Variants in PRDX1 observed in about 807,000 individuals in gnomAD.
PRDX1 encodes the protein peroxiredoxin 1.
In PRDX1, 19 loss-of-function variants were observed where a neutral mutation model predicts 20.7. The ratio of observed to expected loss-of-function variants is 0.92; its 90% CI spans 0.64 to 1.35. PRDX1 has a LOEUF of 1.35. Ranked by LOEUF, PRDX1 falls within the 40% of genes most tolerant of loss-of-function variation. The pLI is 0.00. For missense variants in PRDX1, 226 were observed against 240.0 expected, an observed-to-expected ratio of 0.94 and a Z score of 0.38; for synonymous variants, 89 against 83.9, an observed-to-expected ratio of 1.06 and a Z score of -0.33.
At chr1:45,520,361 T>C (rs1316928207) in intron 1 of PRDX1, among the ~76,000 whole-genome samples, 2 of 151,880 alleles carry the variant, frequency 1.3e-5, no homozygotes, top group East Asian at 1.9e-4. Context: ...CGAAAACAAG[T>C]ATAAGAATCA....
At chr1:45,513,813 C>T (rs183882820) in intron 5 of PRDX1, among the ~76,000 whole-genome samples, 7 of 152,346 alleles carry the variant, frequency 4.6e-5, no homozygotes, top group African/African-American at 1.4e-4. Context: ...CGGAAGGCCA[C>T]AGGGACCTCT....
upstream of PRDX1, among the ~76,000 whole-genome samples, chr1:45,522,608 A>T (rs1340433867): frequency 2.0e-5 from 3 of 152,144 alleles, no homozygotes; most frequent in Non-Finnish European, 4.4e-5. Flanking sequence ...CCACAAACAC[A>T]CATACACAAA....
Position 45,515,788 on chromosome 1 carries a change from G to C in PRDX1, c.126C>G (p.Phe42Leu), listed in dbSNP as rs1309588088. 6.3e-7 allele frequency: 1 copy of C among 1,577,852 alleles called. No individual in the cohort carries two copies. Among genetic ancestry groups the C allele is most frequent in the Non-Finnish European group, 8.6e-7 (1 of 1,167,398 alleles). The change falls in exon 3 of 6, where the codon TTC (phenylalanine) becomes TTG (leucine). Residue 42 changes from phenylalanine (F) to leucine (L), a missense_variant. Transcript: ENST00000319248. ...SDYKGKYVVF[F>L]FYPLDFTFVC... ...CAAAGGTGAAGTCAAGAGGGTAAAA[G>C]AAGAACACAACATATTTTCCTGGGG...
chr1:45,514,683 G>C, intron 4 of PRDX1, 46 bp from the exon 5 acceptor site: 2 of 1,609,252 alleles, frequency 1.2e-6, no homozygotes, highest in Non-Finnish European at 1.7e-6. Context: ...TTAGAGATGT[G>C]CTTTGTTAGA....
intron 3 of PRDX1, 124 bp downstream of exon 3, chr1:45,515,530 C>G (rs1643841697): frequency 2.0e-6 from 2 of 999,044 alleles, no homozygotes; most frequent in Non-Finnish European, 2.8e-6. Flanking sequence ...AACTGGGAGG[C>G]AGAGCTTGAA....
At chr1:45,519,838 T>C (rs532231630) in intron 1 of PRDX1, among the ~76,000 whole-genome samples, 330 of 152,288 alleles carry the variant, frequency 2.2e-3, no homozygotes, top group Non-Finnish European at 2.7e-3. Flanking sequence ...CCTCAGATGA[T>C]TGCCCAACTC....
At chr1:45,520,946 T>C (rs1430633072) in intron 1 of PRDX1, among the ~76,000 whole-genome samples, 3 of 152,122 alleles carry the variant, frequency 2.0e-5, no homozygotes, top group East Asian at 1.9e-4. Flanking sequence ...TCTGAAAGCT[T>C]TTCCAAGTCC....
intron 2 of PRDX1, among the ~76,000 whole-genome samples, chr1:45,518,029 C>T (rs1252527417): frequency 1.3e-5 from 2 of 152,044 alleles, no homozygotes; most frequent in Admixed American, 6.6e-5. Context: ...GAGTATTTCT[C>T]CAATAATAAA....
intron 1 of PRDX1, among the ~76,000 whole-genome samples, chr1:45,521,122 T>C (rs1383198359): frequency 6.6e-6 from 1 of 152,148 alleles, no homozygotes; most frequent in African/African-American, 2.4e-5. Flanking sequence ...GGCCTTCTCG[T>C]CCAATCCTTC....
At position 45,514,807 on chromosome 1, in the gene PRDX1, T is replaced by A. The variant is rs963649163; in HGVS notation, c.383+66A>T. Reference sequence around the variant, plus strand: ...TGAAATGACAAGGAGTCTCTACAGATCAGGGCTCTAGATCTCTCCAAATAA... The same window carrying A: ...TGAAATGACAAGGAGTCTCTACAGAACAGGGCTCTAGATCTCTCCAAATAA... On this transcript the variant is annotated intron_variant, in intron 4 of 5. Coordinates refer to ENST00000319248, the MANE Select transcript of PRDX1 (RefSeq NM_181697.3). 3.1e-6 allele frequency: 5 copies of A among 1,602,270 alleles called. No homozygotes were observed. In the Admixed American group the frequency reaches 5.1e-5, roughly 16 times the overall value.
intron 1 of PRDX1, 103 bp from the exon 2 acceptor site, chr1:45,519,157 T>C (rs1278779834): frequency 1.3e-6 from 1 of 762,566 alleles, no homozygotes; most frequent in Non-Finnish European, 2.1e-6. Context: ...CAAGGCATTG[T>C]CCAGTGTCCC....
In PRDX1 at chr1:45,514,598, C is replaced by CAG; in HGVS notation, c.422_423insCT (p.Gln141HisfsTer2). On this transcript the variant is annotated frameshift_variant, in exon 5 of 6. Coordinates refer to ENST00000319248, the MANE Select transcript of PRDX1 (RefSeq NM_181697.3). LOFTEE classifies it high-confidence loss of function. ...CAACAGGGAGGTCATTTACAGTGAT[C>CAG]TGCCGAAGAATACCCTTATCATCAA... 1 of 1,613,700 alleles carries CAG rather than the reference C, an allele frequency of 6.2e-7. No homozygotes were observed. Among genetic ancestry groups the CAG allele is most frequent in the South Asian group, 1.1e-5 (1 of 91,074 alleles).
chr1:45,517,654 C>A (rs891757642), intron 2 of PRDX1, among the ~76,000 whole-genome samples: 1 of 151,948 alleles, frequency 6.6e-6, no homozygotes, highest in Non-Finnish European at 1.5e-5. Flanking sequence ...TGGTTGCGGG[C>A]GCCTGTAGTC....
rs1390955282 is a variant in PRDX1 at position 45,514,588 on chromosome 1, T to C, written c.433A>G (p.Asn145Asp). 16 of 1,613,728 alleles carry C rather than the reference T, an allele frequency of 9.9e-6. No homozygotes were observed. Among genetic ancestry groups the C allele is most frequent in the African/African-American group, 1.3e-5 (1 of 75,000 alleles). Residue 145 changes from asparagine (N) to aspartate (D), a missense_variant, in exon 5 of 6, where the codon AAT (asparagine) becomes GAT (aspartate). Transcript: ENST00000319248. Reference sequence around the variant, plus strand: ...ACAGAGCGGCCAACAGGGAGGTCATTTACAGTGATCTGCCGAAGAATACCC... The same window carrying C: ...ACAGAGCGGCCAACAGGGAGGTCATCTACAGTGATCTGCCGAAGAATACCC... The part of the protein sequence containing the change: ...DKGILRQITV[N>D]DLPVGRSVDE...
chr1:45,511,377 G>C lies in PRDX1; in HGVS notation c.552C>G (p.Ile184Met), dbSNP rs765714807. The C allele has an allele frequency of 6.2e-7, 1 of 1,613,214 alleles. No individual in the cohort carries two copies. Among genetic ancestry groups the C allele is most frequent in the Non-Finnish European group, 8.5e-7 (1 of 1,179,668 alleles). ...CTTTGCTCTTTTGGACATCAGGCTT[G>C]ATGGTATCACTGCCAGGTTTCCAGC... is the stretch of plus-strand genomic sequence containing the variant. ...PAGWKPGSDT[I>M]KPDVQKSKEY... The change falls in exon 6 of 6, where the codon ATC (isoleucine) becomes ATG (methionine). Residue 184 changes from isoleucine (I) to methionine (M), a missense_variant. Coordinates refer to ENST00000319248, the MANE Select transcript of PRDX1 (RefSeq NM_181697.3).
chr1:45,522,517 A>C (rs1360456002), upstream of PRDX1, among the ~76,000 whole-genome samples: 1 of 152,186 alleles, frequency 6.6e-6, no homozygotes, highest in Non-Finnish European at 1.5e-5. Context: ...TTGACTTTAC[A>C]ATCTTGAGTC....
chr1:45,520,042 TAGAA>T (rs1557615968), intron 1 of PRDX1, among the ~76,000 whole-genome samples: 1 of 151,246 alleles, frequency 6.6e-6, no homozygotes, highest in Non-Finnish European at 1.5e-5. Context: ...CCGTCTCTAC[TAGAA>T]ACACAAAAAT....
At chr1:45,517,407 C>G (rs1359707084) in intron 2 of PRDX1, among the ~76,000 whole-genome samples, 1 of 152,064 alleles carries the variant, frequency 6.6e-6, no homozygotes, top group Non-Finnish European at 1.5e-5. Context: ...CTCAACTGTC[C>G]CAGGAGATCG....
rs1643829303 is a variant in PRDX1, at chr1:45,514,912, T to C, written c.344A>G (p.Asp115Gly). 1.2e-6 allele frequency: 2 copies of C among 1,614,060 alleles called. No individual in the cohort carries two copies. The highest frequency in any genetic ancestry group is 1.7e-6 in the Non-Finnish European group (2 of 1,180,028). The change falls in exon 4 of 6, where the codon GAT becomes GGT. Residue 115 changes from aspartate to glycine, a missense_variant. Asp to Gly is a moderately conservative substitution (Grantham distance 94). Transcript: ENST00000319248. ...VSDPKRTIAQ[D>G]YGVLKADEGI... ...TTCATCAGCCTTTAAGACCCCATAA[T>C]CCTGAGCAATGGTGCGCTTCGGGTC...
Sources: gnomAD v4.1 joint callset for allele counts (sites outside exome capture counted in the v4.1 genomes callset) on GRCh38, gnomAD v4.1.1 for gene constraint, MANE v1.5 for transcripts, NCBI Gene and HGNC (gene_info 2026-07-23, HGNC 2026-07-21) for gene names.